The following TCTN2 variants were observed in gnomAD, a reference collection of about 807,000 sequenced individuals.
TCTN2 encodes tectonic-2.
Under a neutral mutation model 83.4 loss-of-function variants are expected in TCTN2, and 66 were observed. That is an observed-to-expected ratio of 0.79 (90% confidence interval 0.65 to 0.97). TCTN2 has a LOEUF of 0.97. Ranked by LOEUF, TCTN2 falls within the 50% of genes least tolerant of loss-of-function variation. TCTN2 has a pLI of 0.00. For synonymous variants in TCTN2, 301 were observed against 326.7 expected, an observed-to-expected ratio of 0.92 and a Z score of 0.85; for missense variants, 794 against 858.1, an observed-to-expected ratio of 0.93 and a Z score of 0.93.
intron 8 of TCTN2, among the ~76,000 whole-genome samples, chr12:123,692,019 C>T (rs1371699646): frequency 1.3e-5 from 2 of 152,088 alleles, no homozygotes; most frequent in African/African-American, 4.8e-5. Flanking sequence ...CTCAGCCTCC[C>T]GAGTAGCTGG....
chr12:123,679,531 GT>G (rs1230403274), intron 5 of TCTN2, among the ~76,000 whole-genome samples: 1 of 150,762 alleles, frequency 6.6e-6, no homozygotes, highest in Non-Finnish European at 1.5e-5. Context: ...CCAGCTAATT[GT>G]TTTGTATCTT....
At chr12:123,698,371 T>G (rs927662520) in intron 13 of TCTN2, among the ~76,000 whole-genome samples, 12 of 152,008 alleles carry the variant, frequency 7.9e-5, no homozygotes, top group South Asian at 2.1e-4. Flanking sequence ...TTTTGTTTTT[T>G]TTTTTGACAG....
chr12:123,689,396 C>T (rs1409939466), intron 7 of TCTN2, among the ~76,000 whole-genome samples: 1 of 152,206 alleles, frequency 6.6e-6, no homozygotes, highest in African/African-American at 2.4e-5. Flanking sequence ...CTATGTTGCC[C>T]AGGCGGGTCT....
intron 17 of TCTN2, chr12:123,707,356 C>T (rs1034196359): frequency 3.2e-5 from 20 of 617,378 alleles, no homozygotes; most frequent in African/African-American, 9.2e-5. Flanking sequence ...AGACAACTCT[C>T]GTGCCTCAGC....
At chr12:123,671,922 T>C (rs1955757900) in intron 2 of TCTN2, 134 bp from the exon 3 acceptor site, 1 of 812,786 alleles carries the variant, frequency 1.2e-6, no homozygotes, top group South Asian at 1.3e-5. Context: ...AGGTTGTCAC[T>C]GTCCCAGTGT....
At chr12:123,671,685 G>A (rs962718063) in intron 2 of TCTN2, 71 bp downstream of exon 2, 1 of 1,447,488 alleles carries the variant, frequency 6.9e-7, no homozygotes, top group Non-Finnish European at 9.6e-7. Context: ...AGCCTGGAGA[G>A]GTGGCATCCT....
chr12:123,693,908 C>T (rs1956077099), intron 9 of TCTN2, among the ~76,000 whole-genome samples: 1 of 151,824 alleles, frequency 6.6e-6, no homozygotes, highest in African/African-American at 2.4e-5. Flanking sequence ...CCCTCCACCT[C>T]CCAGGTTCAA....
intron 5 of TCTN2, among the ~76,000 whole-genome samples, chr12:123,685,049 CAAA>C (rs35845988): frequency 5.3e-5 from 5 of 94,784 alleles, no homozygotes; most frequent in Admixed American, 1.1e-4. Flanking sequence ...GACTCCATCT[CAAA>C]AAAAAAAAAA....
chr12:123,695,105 T>A, intron 10 of TCTN2, 115 bp from the exon 11 acceptor site: 2 of 1,430,414 alleles, frequency 1.4e-6, no homozygotes, highest in African/African-American at 1.4e-5. Flanking sequence ...TATGATTTAA[T>A]TAACGAGAGT....
intron 13 of TCTN2, 133 bp downstream of exon 13, chr12:123,697,331 A>G: frequency 1.4e-6 from 1 of 736,256 alleles, no homozygotes; most frequent in South Asian, 1.5e-5. Context: ...GATAATAAAT[A>G]CAGACATGTA....
chr12:123,704,752 C>A, intron 15 of TCTN2, 64 bp downstream of exon 15: 1 of 1,548,978 alleles, frequency 6.5e-7, no homozygotes, highest in Non-Finnish European at 8.9e-7. Flanking sequence ...GCATCCCAAA[C>A]AATAGGGAAA....
intron 14 of TCTN2, among the ~76,000 whole-genome samples, chr12:123,701,892 CACATGT>C (rs1328858076): frequency 6.6e-6 from 1 of 152,140 alleles, no homozygotes; most frequent in Non-Finnish European, 1.5e-5. Context: ...AAAGATATAC[CACATGT>C]ACATGGAATA....
At chr12:123,698,449 G>GT in intron 13 of TCTN2, among the ~76,000 whole-genome samples, 2 of 151,596 alleles carry the variant, frequency 1.3e-5, no homozygotes, top group South Asian at 4.2e-4. Context: ...TTTTTGGCTT[G>GT]TTTTTTGAGA....
rs1354403145 is a variant in TCTN2, at chr12:123,707,267, T to C, written c.1984+194T>C. On this transcript the variant is annotated intron_variant, in intron 17 of 17. Coordinates refer to ENST00000303372, the MANE Select transcript of TCTN2 (RefSeq NM_024809.5). Reference sequence around the variant, plus strand: ...TTTCTACCTACACTGTTTTTTTTTTTAGAGAGTCTTGCTCTGACACCCTGG... The same window carrying C: ...TTTCTACCTACACTGTTTTTTTTTTCAGAGAGTCTTGCTCTGACACCCTGG... The C allele has an allele frequency of 5.9e-5, 37 of 630,834 alleles. 1 individual carries two copies. In the East Asian group the frequency reaches 1.0e-3, roughly 17 times the overall value. 39.1% of individuals were successfully genotyped at this position (630,834 alleles called of 1,614,324 possible).
At chr12:123,671,929 G>A (rs1955757973) in intron 2 of TCTN2, 127 bp from the exon 3 acceptor site, 5 of 834,466 alleles carry the variant, frequency 6.0e-6, no homozygotes, top group South Asian at 5.4e-5. Context: ...CACTGTCCCA[G>A]TGTCAAGCAG....
intron 9 of TCTN2, among the ~76,000 whole-genome samples, chr12:123,693,690 G>GTGT (rs1481889447): frequency 6.6e-6 from 1 of 151,868 alleles, no homozygotes; most frequent in Non-Finnish European, 1.5e-5. Flanking sequence ...CTGACCTCAG[G>GTGT]TGATCCACCT....
intron 13 of TCTN2, 75 bp from the exon 14 acceptor site, chr12:123,699,629 C>T: frequency 8.1e-7 from 1 of 1,241,518 alleles, no homozygotes; most frequent in East Asian, 2.3e-5. Context: ...GAAGTGAAAC[C>T]CGGACATTCA....
intron 5 of TCTN2, among the ~76,000 whole-genome samples, chr12:123,682,424 T>C (rs1223052055): frequency 1.3e-5 from 2 of 152,148 alleles, no homozygotes; most frequent in Admixed American, 6.6e-5. Context: ...TGCTGAATTG[T>C]AAGAGGGTTC....
Position 123,696,853 on chromosome 12 carries a change from G to A in TCTN2, c.1394-234G>A, listed in dbSNP as rs114141911. The A allele has an allele frequency of 1.8e-3, 967 of 550,014 alleles. 8 individuals are homozygous for A. The highest frequency in any genetic ancestry group is 0.016 in the African/African-American group (861 of 52,738). 34.1% of individuals were successfully genotyped at this position (550,014 alleles called of 1,614,324 possible). ...AAATCTGTGCTTCAGTGGTAATTAC[G>A]CACACCTGCCAGAGGCAGTGTCACT... On this transcript the variant is annotated intron_variant, in intron 12 of 17. Coordinates refer to ENST00000303372, the MANE Select transcript of TCTN2 (RefSeq NM_024809.5).
Sources: allele counts gnomAD v4.1 joint callset (sites outside exome capture counted in the v4.1 genomes callset), GRCh38; gene constraint gnomAD v4.1.1; transcripts MANE v1.5; gene names NCBI Gene and HGNC (gene_info 2026-07-23, HGNC 2026-07-21).